The following KRT13 variants were observed in gnomAD, a reference collection of about 807,000 sequenced individuals.
KRT13 encodes the protein keratin, type I cytoskeletal 13.
A neutral mutation model predicts 40.6 loss-of-function variants in KRT13; 27 were observed. The observed-to-expected ratio is 0.67, with a 90% CI of 0.49 to 0.92. The LOEUF (loss-of-function observed/expected upper bound fraction) is 0.92, where lower values mean the gene tolerates loss of function less well. KRT13 is among the 40% of genes least tolerant of loss of function. The pLI is 0.00. For synonymous variants in KRT13, 266 were observed against 240.3 expected, an observed-to-expected ratio of 1.11 and a Z score of -0.99; for missense variants, 605 against 611.5, an observed-to-expected ratio of 0.99 and a Z score of 0.11.
Position 41,501,703 on chromosome 17 carries a change from G to C in KRT13, c.1270+16C>G, listed in dbSNP as rs766875731. 2 of 1,578,058 alleles carry C rather than the reference G, an allele frequency of 1.3e-6. No individual in the cohort carries two copies. Among genetic ancestry groups the C allele is most frequent in the African/African-American group, 1.3e-5 (1 of 74,180 alleles). ...CTAACTCTGCCTCCCCCTACACCAC[G>C]GGGCTGTTCCCTTACCTGCTGAGGA... On this transcript the variant is annotated intron_variant, in intron 7 of 7. Coordinates refer to ENST00000246635, the MANE Select transcript of KRT13 (RefSeq NM_153490.3).
Position 41,502,936 on chromosome 17 carries a change from C to A in KRT13, c.897+1G>T. On this transcript the variant is annotated splice_donor_variant, in intron 4 of 7. Transcript: ENST00000246635. LOFTEE classifies it high-confidence loss of function. ...CTATGTGGGGTGGGAGGGCCGGGTA[C>A]CTTGGTGTGGAACCATTCCTCAGCA... 6.2e-7 allele frequency: 1 copy of A among 1,614,116 alleles called. No individual in the cohort carries two copies. The highest frequency in any genetic ancestry group is 8.5e-7 in the Non-Finnish European group (1 of 1,180,008).
chr17:41,504,872 T>A (rs1905003018), intron 1 of KRT13, among the ~76,000 whole-genome samples, 184 bp downstream of exon 1: 1 of 152,090 alleles, frequency 6.6e-6, no homozygotes, highest in Non-Finnish European at 1.5e-5. Flanking sequence ...GAAAATGCAT[T>A]TGGGGAGTTG....
chr17:41,501,662 G>A, intron 7 of KRT13, 57 bp downstream of exon 7: 2 of 1,553,970 alleles, frequency 1.3e-6, no homozygotes, highest in South Asian at 1.2e-5. Context: ...CCCCCATTGG[G>A]GCAGTGAATG....
At position 41,505,050 on chromosome 17, in the gene KRT13, G is replaced by T. The variant is rs752806435; in HGVS notation, c.495+6C>A. 6.8e-6 allele frequency: 11 copies of T among 1,614,050 alleles called. No individual in the cohort carries two copies. The highest frequency in any genetic ancestry group is 2.2e-5 in the South Asian group (2 of 91,076). ...GAGGACCCCTCCTCAGCTTCCAAGG[G>T]CTCACCTTGTCCCGGAGCTCTTCAA... On this transcript the variant is annotated splice_donor_region_variant and intron_variant, in intron 1 of 7. Transcript: ENST00000246635.
Position 41,503,000 on chromosome 17 carries a change from C to T in KRT13, c.834G>A (p.Arg278=). Residue 278 remains arginine (R), a synonymous_variant, in exon 4 of 8, where the codon AGG becomes AGA. Coordinates refer to ENST00000246635, the MANE Select transcript of KRT13 (RefSeq NM_153490.3). ...IDLTRVLAEM[R]EQYEAMAERN... is the part of the protein sequence containing the mutation. ...TCTCTGCCATGGCCTCGTACTGCTC[C>T]CTCATCTCTGCCAGCACGCGGGTCA... 1 of 1,614,252 alleles carries T rather than the reference C, an allele frequency of 6.2e-7. No homozygotes were observed. The highest frequency in any genetic ancestry group is 8.5e-7 in the Non-Finnish European group (1 of 1,180,044).
Position 41,503,346 on chromosome 17 carries a change from C to T in KRT13, c.676G>A (p.Glu226Lys). The change falls in exon 3 of 8, where the codon GAG (glutamate) becomes AAG (lysine). Residue 226 changes from glutamate (E) to lysine (K), a missense_variant. Coordinates refer to ENST00000246635, the MANE Select transcript of KRT13 (RefSeq NM_153490.3). ...DELTLSKTDL[E>K]MQIESLNEEL... The stretch of plus-strand genomic sequence containing the variant: ...TCATTCAGGCTCTCGATCTGCATCT[C>T]CAGGTCAGTCTTAGACAGAGTGAGC... The T allele has an allele frequency of 3.1e-6, 5 of 1,614,264 alleles. No individual in the cohort carries two copies. In the South Asian group the frequency reaches 3.3e-5, roughly 11 times the overall value.
Position 41,502,682 on chromosome 17 carries a change from C to A in KRT13, c.1023+5G>T. On this transcript the variant is annotated splice_donor_5th_base_variant and intron_variant, in intron 5 of 7. Transcript: ENST00000246635. The stretch of plus-strand genomic sequence containing the variant: ...TCGCCACCGGGCAGGAGGCTGCAGG[C>A]ATACCATGCTCAGCTGGGACTGCAG... 5 of 1,613,942 alleles carry A rather than the reference C, an allele frequency of 3.1e-6. No homozygotes were observed. The highest frequency in any genetic ancestry group is 4.2e-6 in the Non-Finnish European group (5 of 1,180,046).
Position 41,502,754 on chromosome 17 carries a change from G to C in KRT13, c.956C>G (p.Thr319Arg). 1 of 1,614,192 alleles carries C rather than the reference G, an allele frequency of 6.2e-7. No individual in the cohort carries two copies. Among genetic ancestry groups the C allele is most frequent in the South Asian group, 1.1e-5 (1 of 91,090 alleles). Residue 319 changes from threonine (T) to arginine (R), a missense_variant, in exon 5 of 8, where the codon ACA (threonine) becomes AGA (arginine). By Grantham distance (71) the Thr-to-Arg change is moderately conservative. Transcript: ENST00000246635. Reference protein sequence around the residue: ...TNTAMIQTSKTEITELRRTLQ... With the variant: ...TNTAMIQTSKREITELRRTLQ... ...CGTGCGCCTGAGCTCCGTGATCTCTGTCTTGCTGGTCTGAATCATGGCAGT... is the reference window on the plus strand; with the variant it reads ...CGTGCGCCTGAGCTCCGTGATCTCTCTCTTGCTGGTCTGAATCATGGCAGT...
chr17:41,502,884 C>T, intron 4 of KRT13, 53 bp downstream of exon 4: 1 of 1,614,166 alleles, frequency 6.2e-7, no homozygotes, highest in Admixed American at 1.7e-5. Flanking sequence ...CTGTGTCCGC[C>T]CGGCCCCCCT....
intron 6 of KRT13, 79 bp downstream of exon 6, chr17:41,502,295 G>A: frequency 6.2e-7 from 1 of 1,611,892 alleles, no homozygotes; most frequent in Non-Finnish European, 8.5e-7. Context: ...TGAGGGGGTG[G>A]ATCTCTAAGG....
At position 41,505,524 on chromosome 17, in the gene KRT13, A is replaced by G. The variant is rs2144508987; in HGVS notation, c.27T>C (p.Ser9=). MSLRLQSS[S]ASYGGGFGGG... ...CCCCGAAACCACCTCCATAGCTGGC[A>G]GAGGAGCTCTGCAGGCGGAGGCTCA... Residue 9 remains serine, a synonymous_variant, in exon 1 of 8, where the codon TCT becomes TCC. Coordinates refer to ENST00000246635, the MANE Select transcript of KRT13 (RefSeq NM_153490.3). 2 of 1,614,256 alleles carry G rather than the reference A, an allele frequency of 1.2e-6. No homozygotes were observed. The highest frequency in any genetic ancestry group is 1.7e-6 in the Non-Finnish European group (2 of 1,180,042).
chr17:41,505,429 G>T lies in KRT13; in HGVS notation c.122C>A (p.Ser41Ter). The T allele has an allele frequency of 6.2e-7, 1 of 1,613,512 alleles. No individual in the cohort carries two copies. The highest frequency in any genetic ancestry group is 8.5e-7 in the Non-Finnish European group (1 of 1,179,518). The change falls in exon 1 of 8, where the codon TCA (serine) becomes TAA (stop). Residue 41 changes from serine to a stop codon, truncating the protein, a stop_gained. Transcript: ENST00000246635. LOFTEE classifies it high-confidence loss of function. ...CACGCCGCCTCCATAGCCCCCAGCT[G>T]ATCCCCCGGACACAAACCGAGTTGA... is the stretch of plus-strand genomic sequence containing the variant. ...TCSTRFVSGG[S>*]AGGYGGGVSC... is the part of the protein sequence containing the mutation.
At position 41,503,707 on chromosome 17, in the gene KRT13, C is replaced by T. The variant is rs547662398; in HGVS notation, c.514G>A (p.Glu172Lys). 1.1e-5 allele frequency: 17 copies of T among 1,614,062 alleles called. No homozygotes were observed. The East Asian group carries it at 3.8e-4, about 36-fold the overall frequency. Residue 172 changes from glutamate to lysine, a missense_variant, in exon 2 of 8, where the codon GAA becomes AAA. By Grantham distance (56) the Glu-to-Lys change is moderately conservative. Coordinates refer to ENST00000246635, the MANE Select transcript of KRT13 (RefSeq NM_153490.3). ...ATCTCCAGGATGACCCGGTTGTTTT[C>T]AATGGTGGCGGTCAGGATCTACAAA... ...LRDKILTATI[E>K]NNRVILEIDN...
intron 6 of KRT13, chr17:41,502,030 T>C (rs1904868949): frequency 2.8e-6 from 4 of 1,414,192 alleles, no homozygotes; most frequent in Middle Eastern, 2.6e-4. Flanking sequence ...ACCCTCCACC[T>C]GAGCCCTGAG....
chr17:41,504,142 G>A (rs1043467678), intron 1 of KRT13: 6 of 254,602 alleles, frequency 2.4e-5, no homozygotes, highest in African/African-American at 6.8e-5. Flanking sequence ...GAGGAGTGGG[G>A]CTGCATCCCC....
chr17:41,502,805 T>G lies in KRT13; in HGVS notation c.905A>C (p.Glu302Ala). The G allele has an allele frequency of 6.2e-7, 1 of 1,614,152 alleles. No homozygotes were observed. The highest frequency in any genetic ancestry group is 8.5e-7 in the Non-Finnish European group (1 of 1,180,018). ...AEEWFHTKSA[E>A]LNKEVSTNTA... Reference sequence around the variant, plus strand: ...GTTGGTAGACACCTCCTTGTTCAGCTCTGCACTCTGAAATGCAAGCAGGAA... The same window carrying G: ...GTTGGTAGACACCTCCTTGTTCAGCGCTGCACTCTGAAATGCAAGCAGGAA... Residue 302 changes from glutamate (E) to alanine (A), a missense_variant, in exon 5 of 8, where the codon GAG becomes GCG. Glu to Ala is a moderately radical substitution (Grantham distance 107). Transcript: ENST00000246635.
intron 7 of KRT13, 29 bp from the exon 8 acceptor site, chr17:41,501,391 G>A (rs1478953661): frequency 3.3e-6 from 5 of 1,520,786 alleles, no homozygotes; most frequent in East Asian, 2.4e-5. Context: ...GACATGCTCA[G>A]GCTGGAGAAG....
At position 41,503,319 on chromosome 17, in the gene KRT13, CT is replaced by C; in HGVS notation, c.702del (p.Glu235SerfsTer2). 6.2e-7 allele frequency: 1 copy of C among 1,614,248 alleles called. No individual in the cohort carries two copies. Among genetic ancestry groups the C allele is most frequent in the Non-Finnish European group, 8.5e-7 (1 of 1,180,048 alleles). Reference sequence around the variant, plus strand: ...TGGTTCTTCTTCATGTAGGCTAGCTCTTCATTCAGGCTCTCGATCTGCATCT... The same window carrying C: ...TGGTTCTTCTTCATGTAGGCTAGCTCTCATTCAGGCTCTCGATCTGCATCT... The part of the protein sequence containing the change: ...DLEMQIESLN[E>X]ELAYMKKNHE... On this transcript the variant is annotated frameshift_variant, in exon 3 of 8. Transcript: ENST00000246635. LOFTEE classifies it high-confidence loss of function.
Position 41,501,709 on chromosome 17 carries a change from G to A in KRT13, c.1270+10C>T, listed in dbSNP as rs755604664. 188 of 1,582,408 alleles carry A rather than the reference G, an allele frequency of 1.2e-4. No homozygotes were observed. The highest frequency in any genetic ancestry group is 1.5e-4 in the Non-Finnish European group (169 of 1,163,442). ...CTGCCTCCCCCTACACCACGGGGCTGTTCCCTTACCTGCTGAGGAAGGGAA... is the reference window on the plus strand; with the variant it reads ...CTGCCTCCCCCTACACCACGGGGCTATTCCCTTACCTGCTGAGGAAGGGAA... On this transcript the variant is annotated intron_variant, in intron 7 of 7. Coordinates refer to ENST00000246635, the MANE Select transcript of KRT13 (RefSeq NM_153490.3).
Sources: allele counts gnomAD v4.1 joint callset (sites outside exome capture counted in the v4.1 genomes callset), GRCh38; gene constraint gnomAD v4.1.1; transcripts MANE v1.5; gene names NCBI Gene and HGNC (gene_info 2026-07-23, HGNC 2026-07-21).